Variants in TBC1D31 observed in about 807,000 individuals in gnomAD.
TBC1D31 encodes the protein WD repeat domain 67.
In TBC1D31, 99 loss-of-function variants were observed where a neutral mutation model predicts 132.9. The ratio of observed to expected loss-of-function variants is 0.74; its 90% CI spans 0.63 to 0.88. The LOEUF (loss-of-function observed/expected upper bound fraction) is 0.88, where lower values mean the gene tolerates loss of function less well. Ranked by LOEUF, TBC1D31 falls within the 40% of genes least tolerant of loss-of-function variation. The pLI, the probability that TBC1D31 is intolerant of heterozygous loss-of-function variation, is 0.00. For synonymous variants in TBC1D31, 385 were observed against 419.4 expected (o/e 0.92, Z 1.00); for missense variants, 1,134 against 1,256.6 (o/e 0.90, Z 1.48).
chr8:123,132,198 T>A (rs1035715233), intron 16 of TBC1D31, among the ~76,000 whole-genome samples: 2 of 152,134 alleles, frequency 1.3e-5, no homozygotes, highest in African/African-American at 4.8e-5. Flanking sequence ...CTAGGCCTAG[T>A]TCTCACTCAT....
chr8:123,124,407 A>AC (rs147873200), intron 11 of TBC1D31, among the ~76,000 whole-genome samples: 2,110 of 152,262 alleles, frequency 0.014, 43 homozygotes, highest in African/African-American at 0.048. Context: ...TAGGTCCTCT[A>AC]CCCATGCTTT....
intron 4 of TBC1D31, 49 bp downstream of exon 4, chr8:123,084,389 C>A (rs1815500674): frequency 1.3e-6 from 2 of 1,554,936 alleles, no homozygotes; most frequent in African/African-American, 1.4e-5. Flanking sequence ...GGGCTAATTT[C>A]TTGGTCAACA....
chr8:123,157,719 G>GCACACA, the TBC1D31 span, among the ~76,000 whole-genome samples: 33 of 147,928 alleles, frequency 2.2e-4, no homozygotes, highest in South Asian at 1.5e-3. Context: ...GCGCGCGCGC[G>GCACACA]CACACACACA....
the TBC1D31 span, among the ~76,000 whole-genome samples, chr8:123,163,314 T>C: frequency 6.6e-6 from 1 of 152,092 alleles, no homozygotes; most frequent in East Asian, 1.9e-4. Flanking sequence ...GTTATCCTAT[T>C]TTTTTTAAAT....
chr8:123,108,918 G>A (rs867099460), intron 8 of TBC1D31, among the ~76,000 whole-genome samples: 1 of 152,138 alleles, frequency 6.6e-6, no homozygotes, highest in African/African-American at 2.4e-5. Flanking sequence ...AAAACCATCA[G>A]ATCTCGTGAG....
chr8:123,137,569 G>A lies in TBC1D31; in HGVS notation c.2500-3192G>A, dbSNP rs141152511. ...TTCCTGCAAAGATGTGCGACAGTAT[G>A]TAAGACTATTGCCTACCAGGCAAGC... On this transcript the variant is annotated intron_variant, in intron 17 of 21. Coordinates refer to ENST00000287380, the MANE Select transcript of TBC1D31 (RefSeq NM_145647.4). 1.7e-3 allele frequency among the ~76,000 whole-genome samples: 262 copies of A among 152,362 alleles called. 1 individual carries two copies. Among genetic ancestry groups the A allele is most frequent in the African/African-American group, 5.7e-3 (238 of 41,574 alleles).
chr8:123,099,114 GTTTGGTT>G (rs1817110276), intron 6 of TBC1D31, among the ~76,000 whole-genome samples: 1 of 152,006 alleles, frequency 6.6e-6, no homozygotes. Flanking sequence ...TTTTGTTTTG[GTTTGGTT>G]TTTGGTTTTT....
chr8:123,092,660 T>A (rs1433992218), intron 4 of TBC1D31, among the ~76,000 whole-genome samples: 1 of 152,078 alleles, frequency 6.6e-6, no homozygotes, highest in Non-Finnish European at 1.5e-5. Flanking sequence ...GTATGTGCTT[T>A]CTTTTTGAAG....
intron 13 of TBC1D31, chr8:123,127,810 G>A (rs1019588527): frequency 6.5e-6 from 1 of 154,086 alleles, no homozygotes; most frequent in Non-Finnish European, 1.4e-5. Context: ...GTGTGTGTAT[G>A]TGTTACTTAT....
chr8:123,072,871 G>A, intron 1 of TBC1D31, 25 bp downstream of exon 1: 1 of 1,550,864 alleles, frequency 6.4e-7, no homozygotes, highest in Non-Finnish European at 8.7e-7. Context: ...GGGAGGGCGC[G>A]GGCTGTGGAG....
intron 1 of TBC1D31, among the ~76,000 whole-genome samples, chr8:123,074,209 G>T (rs968953494): frequency 6.6e-6 from 1 of 151,948 alleles, no homozygotes; most frequent in Non-Finnish European, 1.5e-5. Flanking sequence ...TGTATTTTTA[G>T]TAGAGACGGA....
At chr8:123,077,646 GC>G (rs948962613) in intron 2 of TBC1D31, among the ~76,000 whole-genome samples, 4 of 151,698 alleles carry the variant, frequency 2.6e-5, no homozygotes, top group African/African-American at 9.7e-5. Flanking sequence ...ACCGCACCCA[GC>G]CCATAGTTGC....
At chr8:123,154,987 C>T (rs1822950101), downstream of TBC1D31, among the ~76,000 whole-genome samples, 1 of 152,180 alleles carries the variant, frequency 6.6e-6, no homozygotes, top group Non-Finnish European at 1.5e-5. Context: ...AGAGCCCAGC[C>T]CATCACTGCA....
chr8:123,072,995 C>A, intron 1 of TBC1D31, 149 bp downstream of exon 1: 1 of 763,352 alleles, frequency 1.3e-6, no homozygotes, highest in Non-Finnish European at 2.1e-6. Flanking sequence ...CAGATGGCTC[C>A]GGACGCCAGG....
rs1820047766 is a variant in TBC1D31 at position 123,126,523 on chromosome 8, C to T, written c.1720C>T (p.Leu574Phe). ...TCTGTTTTAGCTATATGCATGGCCT[C>T]TTCTTGAAACTGTGTTCTCAGAAGT... ...DITSQLYAWPLLETVFSEVLT... is the reference protein window; with the variant it reads ...DITSQLYAWPFLETVFSEVLT... Residue 574 changes from leucine to phenylalanine, a missense_variant, in exon 13 of 22, where the codon CTT (leucine) becomes TTT (phenylalanine). Leu to Phe is a conservative substitution (Grantham distance 22). Coordinates refer to ENST00000287380, the MANE Select transcript of TBC1D31 (RefSeq NM_145647.4). 3 of 1,613,858 alleles carry T rather than the reference C, an allele frequency of 1.9e-6. No individual in the cohort carries two copies. The highest frequency in any genetic ancestry group is 2.5e-6 in the Non-Finnish European group (3 of 1,179,940).
chr8:123,073,116 G>A (rs1224632159), intron 1 of TBC1D31: 2 of 554,498 alleles, frequency 3.6e-6, no homozygotes, highest in Admixed American at 2.9e-5. Flanking sequence ...CTTTTGCTGT[G>A]TACCGGGACT....
rs1274836889 is a variant in TBC1D31 at position 123,105,369 on chromosome 8, T to C, written c.1114T>C (p.Ser372Pro). ...SSSDLKMKVT[S>P]GRVQQPAKSR... ...CAGTGATCTTAAGATGAAAGTAACA[T>C]CAGGGAGAGTACAGCAGCCAGCAAA... is the stretch of plus-strand genomic sequence containing the variant. The change falls in exon 8 of 22, where the codon TCA becomes CCA. Residue 372 changes from serine to proline, a missense_variant. Transcript: ENST00000287380. 1.2e-6 allele frequency: 2 copies of C among 1,612,532 alleles called. No homozygotes were observed. Among genetic ancestry groups the C allele is most frequent in the Admixed American group, 3.3e-5 (2 of 59,868 alleles).
At chr8:123,113,328 T>A (rs1179881096) in intron 10 of TBC1D31, among the ~76,000 whole-genome samples, 2 of 152,192 alleles carry the variant, frequency 1.3e-5, no homozygotes, top group Non-Finnish European at 2.9e-5. Flanking sequence ...TAGTACAACT[T>A]AAAAACAGAA....
intron 4 of TBC1D31, among the ~76,000 whole-genome samples, chr8:123,090,807 G>T (rs1023887908): frequency 1.3e-5 from 2 of 151,994 alleles, no homozygotes; most frequent in Non-Finnish European, 2.9e-5. Context: ...CAAAAAATTA[G>T]CCGGGCATGT....
Sources: gnomAD v4.1 joint callset for allele counts (sites outside exome capture counted in the v4.1 genomes callset) on GRCh38, gnomAD v4.1.1 for gene constraint, MANE v1.5 for transcripts, NCBI Gene and HGNC (gene_info 2026-07-23, HGNC 2026-07-21) for gene names.